Variants in AACS observed in about 807,000 individuals in gnomAD.
The protein encoded by AACS is acetoacetyl-CoA synthetase.
AACS carries 69 observed loss-of-function variants against 83.1 expected under a neutral mutation model. The ratio of observed to expected loss-of-function variants is 0.83; its 90% CI spans 0.68 to 1.01. AACS has a LOEUF of 1.01. Ranked by LOEUF, AACS falls within the 50% of genes least tolerant of loss-of-function variation. AACS has a pLI of 0.00. For synonymous variants in AACS, 333 were observed against 343.4 expected (o/e 0.97, Z 0.33); for missense variants, 866 against 882.2 (o/e 0.98, Z 0.23).
intron 5 of AACS, among the ~76,000 whole-genome samples, chr12:125,100,142 C>T (rs1290083901): frequency 2.6e-5 from 4 of 152,114 alleles, no homozygotes; most frequent in African/African-American, 4.8e-5. Flanking sequence ...CAGCCTCCCA[C>T]GTAGCTGGGA....
At chr12:125,123,688 C>T (rs1399500829) in intron 10 of AACS, 1 of 152,210 alleles carries the variant, frequency 6.6e-6, no homozygotes, top group Non-Finnish European at 1.5e-5. Flanking sequence ...GTCTCTCCAC[C>T]GAATGTGCAG....
At chr12:125,084,169 A>G (rs1956270868) in intron 3 of AACS, among the ~76,000 whole-genome samples, 1 of 151,776 alleles carries the variant, frequency 6.6e-6, no homozygotes, top group African/African-American at 2.4e-5. Context: ...CTCTACTAAA[A>G]ATACAAAAAT....
At chr12:125,102,870 C>A in intron 6 of AACS, 77 bp downstream of exon 6, 1 of 1,466,360 alleles carries the variant, frequency 6.8e-7, no homozygotes. Context: ...AGGAGTCAAT[C>A]TGGGTAGTCT....
intron 7 of AACS, chr12:125,105,004 C>CG (rs1956802151): frequency 4.5e-5 from 1 of 22,062 alleles, no homozygotes; most frequent in East Asian, 1.1e-3. Context: ...TGGAGGGGGT[C>CG]GGGGGGCGGG....
At chr12:125,080,892 C>T (rs375774002) in intron 3 of AACS, among the ~76,000 whole-genome samples, 13 of 151,976 alleles carry the variant, frequency 8.6e-5, no homozygotes, top group African/African-American at 2.4e-4. Context: ...GGGGTTTCAC[C>T]GTGTTAGCCA....
At chr12:125,074,975 G>GTTTTTT (rs34831405) in intron 2 of AACS, among the ~76,000 whole-genome samples, 1 of 113,526 alleles carries the variant, frequency 8.8e-6, no homozygotes, top group Non-Finnish European at 1.8e-5. Context: ...CATTGTCATA[G>GTTTTTT]TTTTTTTTTT....
At chr12:125,066,392 G>T (rs1003813260) in intron 1 of AACS, among the ~76,000 whole-genome samples, 1 of 150,736 alleles carries the variant, frequency 6.6e-6, no homozygotes, top group African/African-American at 2.4e-5. Context: ...GCTCTAGCTG[G>T]CTTGCCCAAC....
At chr12:125,068,808 A>C (rs1594562298) in intron 1 of AACS, among the ~76,000 whole-genome samples, 1 of 148,856 alleles carries the variant, frequency 6.7e-6, no homozygotes, top group Non-Finnish European at 1.5e-5. Context: ...TTGGGCTTTC[A>C]TTCTGCCCTG....
Position 125,129,261 on chromosome 12 carries a change from A to G in AACS, c.1424-74A>G, listed in dbSNP as rs143717697. 393 of 1,531,314 alleles carry G rather than the reference A, an allele frequency of 2.6e-4. No individual in the cohort carries two copies. In the African/African-American group the frequency reaches 4.7e-3, roughly 18 times the overall value. 94.9% of individuals were successfully genotyped at this position (1,531,314 alleles called of 1,614,324 possible). ...AATATTGCATAATAAGTAATAGCTT[A>G]AGAAAGAGAGAGAGACAGCCAGGGT... On this transcript the variant is annotated intron_variant, in intron 13 of 17. Coordinates refer to ENST00000316519, the MANE Select transcript of AACS (RefSeq NM_023928.5). This position sits in a 1 kb window ranked among gnomAD's most constrained non-coding sequence, Gnocchi z 4.3.
rs1210146261 is a variant in AACS, at chr12:125,129,860, G to A, written c.1549+400G>A. Among the ~76,000 whole-genome samples, 1 of 152,036 alleles carries A rather than the reference G, an allele frequency of 6.6e-6. No homozygotes were observed. Among genetic ancestry groups the A allele is most frequent in the Non-Finnish European group, 1.5e-5 (1 of 68,004 alleles). ...GCGTCTGGCTCGGGTCTCTTCCTTC[G>A]TGTCTCTCACCATCATCCAGTCCTC... On this transcript the variant is annotated intron_variant, in intron 14 of 17. Transcript: ENST00000316519. This position sits in a 1 kb window ranked among gnomAD's most constrained non-coding sequence, Gnocchi z 4.3.
In AACS at chr12:125,076,551, A is replaced by C; in HGVS notation, c.298A>C (p.Asn100His). ...VPEWFKGSRL[N>H]YAENLLRHKE... is the part of the protein sequence containing the mutation. ...CGAGTGGTTCAAAGGCAGTCGGCTC[A>C]ACTATGCAGAAAACCTCCTGCGGCA... The change falls in exon 3 of 18, where the codon AAC becomes CAC. Residue 100 changes from asparagine (N) to histidine (H), a missense_variant. Coordinates refer to ENST00000316519, the MANE Select transcript of AACS (RefSeq NM_023928.5). 3.1e-6 allele frequency: 5 copies of C among 1,614,190 alleles called. No individual in the cohort carries two copies. The highest frequency in any genetic ancestry group is 2.5e-6 in the Non-Finnish European group (3 of 1,180,026).
chr12:125,077,942 C>T (rs1956069479), intron 3 of AACS, among the ~76,000 whole-genome samples: 2 of 152,164 alleles, frequency 1.3e-5, no homozygotes, highest in African/African-American at 2.4e-5. Context: ...CTCCTGACCT[C>T]AGGTGATTCC....
intron 5 of AACS, among the ~76,000 whole-genome samples, chr12:125,098,018 T>TTTTTA (rs1956648289): frequency 6.6e-6 from 1 of 152,184 alleles, no homozygotes; most frequent in Non-Finnish European, 1.5e-5. Flanking sequence ...ACTGTACACC[T>TTTTTA]TTTTATCTTT....
At position 125,128,109 on chromosome 12, in the gene AACS, C is replaced by G. The variant is rs1049157198; in HGVS notation, c.1310-52C>G. The G allele has an allele frequency of 8.6e-6, 12 of 1,402,254 alleles. No homozygotes were observed. In the African/African-American group the frequency reaches 1.6e-4, roughly 18 times the overall value. 86.9% of individuals were successfully genotyped at this position (1,402,254 alleles called of 1,614,324 possible). A position where few individuals can be genotyped will look rare whatever the true frequency, so the allele number is the denominator to read the frequency against. ...TCCTTTGTTGCTCACTAATTTAACA[C>G]AATTTGTCTTGGGCTTCTAAATTTT... On this transcript the variant is annotated intron_variant, in intron 12 of 17. Transcript: ENST00000316519.
At chr12:125,078,820 CAAAAAA>C (rs71092270) in intron 3 of AACS, among the ~76,000 whole-genome samples, 2 of 52,044 alleles carry the variant, frequency 3.8e-5, no homozygotes, top group South Asian at 1.0e-3. Context: ...GACTCCGTCT[CAAAAAA>C]AAAAAAAAAA....
Position 125,136,773 on chromosome 12 carries a change from C to T in AACS, c.1790C>T (p.Pro597Leu), listed in dbSNP as rs137921496. 1.5e-5 allele frequency: 24 copies of T among 1,614,008 alleles called. No individual in the cohort carries two copies. Among genetic ancestry groups the T allele is most frequent in the Non-Finnish European group, 1.9e-5 (23 of 1,180,054 alleles). The change falls in exon 17 of 18, where the codon CCT (proline) becomes CTT (leucine). Residue 597 changes from proline (P) to leucine (L), a missense_variant. Pro to Leu is a moderately conservative substitution (Grantham distance 98). Transcript: ENST00000316519. ...ATGGCCTCCGGGCACGCCTTCCAGC[C>T]TGACTTGGTTAAGAGGATCCGTGAC... Reference protein sequence around the residue: ...LKMASGHAFQPDLVKRIRDAI... With the variant: ...LKMASGHAFQLDLVKRIRDAI...
Position 125,113,179 on chromosome 12 carries a change from T to C in AACS, c.916-1298T>C, listed in dbSNP as rs575957944. 1.3e-5 allele frequency among the ~76,000 whole-genome samples: 2 copies of C among 152,360 alleles called. No individual in the cohort carries two copies. Among genetic ancestry groups the C allele is most frequent in the East Asian group, 3.9e-4 (2 of 5,188 alleles). On this transcript the variant is annotated intron_variant, in intron 8 of 17. Coordinates refer to ENST00000316519, the MANE Select transcript of AACS (RefSeq NM_023928.5). The surrounding 1 kb of genome is among the most constrained non-coding windows in gnomAD (Gnocchi z 4.8). Reference sequence around the variant, plus strand: ...GGGAGCCTGTGTTGGATAGGATTGTTCCTGGTGAGCTCTTAAAGGGATCAT... The same window carrying C: ...GGGAGCCTGTGTTGGATAGGATTGTCCCTGGTGAGCTCTTAAAGGGATCAT...
chr12:125,132,513 G>T (rs573038596), intron 14 of AACS, among the ~76,000 whole-genome samples: 1 of 152,168 alleles, frequency 6.6e-6, no homozygotes, highest in Non-Finnish European at 1.5e-5. Context: ...GACTCAGTTT[G>T]CTGAGTAGCC....
intron 4 of AACS, among the ~76,000 whole-genome samples, chr12:125,087,840 G>T (rs766996047): frequency 6.6e-6 from 1 of 152,228 alleles, no homozygotes; most frequent in South Asian, 2.1e-4. Context: ...AGTGCTCAGC[G>T]TTTGGTAGCT....
Sources: allele counts gnomAD v4.1 joint callset (sites outside exome capture counted in the v4.1 genomes callset), GRCh38; gene constraint gnomAD v4.1.1; non-coding constraint Gnocchi (gnomAD v3.1); transcripts MANE v1.5; gene names NCBI Gene and HGNC (gene_info 2026-07-23, HGNC 2026-07-21).